PTPRU: variants seen among roughly 807,000 people sequenced by gnomAD.
PTPRU encodes protein tyrosine phosphatase receptor type U, also known as receptor-type tyrosine-protein phosphatase U.
In PTPRU, 69 loss-of-function variants were observed where a neutral mutation model predicts 166.3. The ratio of observed to expected loss-of-function variants is 0.41; its 90% CI spans 0.34 to 0.51. The LOEUF (loss-of-function observed/expected upper bound fraction) is 0.51, where lower values mean the gene tolerates loss of function less well. Among genes scored for constraint, PTPRU ranks in the 20% least tolerant of loss-of-function variants. PTPRU has a pLI of 0.09. For missense variants in PTPRU, 1,657 were observed against 2,013.7 expected (o/e 0.82, Z 3.39); for synonymous variants, 793 against 814.0 (o/e 0.97, Z 0.44).
At chr1:29,261,652 C>T (rs1685071107) in intron 7 of PTPRU, among the ~76,000 whole-genome samples, 1 of 152,172 alleles carries the variant, frequency 6.6e-6, no homozygotes, top group African/African-American at 2.4e-5. Flanking sequence ...CCTGCCTCAG[C>T]CTCCCGAGTA....
chr1:29,251,441 A>C (rs1030898558), intron 1 of PTPRU, among the ~76,000 whole-genome samples: 1 of 152,056 alleles, frequency 6.6e-6, no homozygotes. Context: ...GAAGTGAGAT[A>C]GTCTGGGGGT....
In PTPRU at chr1:29,326,305, G is replaced by A. The variant is rs2151973767; in HGVS notation, c.*644G>A. 1 of 162,666 alleles carries A rather than the reference G, an allele frequency of 6.1e-6. No homozygotes were observed. The highest frequency in any genetic ancestry group is 2.4e-5 in the African/African-American group (1 of 42,004). The allele number at this position is 162,666 out of a possible 1,614,324, so 10.1% of individuals were successfully genotyped here. Reference sequence around the variant, plus strand: ...CTTGCTTCCCTGATATGTGCTCTGAGCTTCCCTGAACCAGGATCTGCCTAT... The same window carrying A: ...CTTGCTTCCCTGATATGTGCTCTGAACTTCCCTGAACCAGGATCTGCCTAT... On this transcript the variant is annotated 3_prime_UTR_variant, in exon 30 of 30. Transcript: ENST00000373779.
chr1:29,273,378 C>T (rs1156521974), intron 7 of PTPRU, among the ~76,000 whole-genome samples: 2 of 152,168 alleles, frequency 1.3e-5, no homozygotes, highest in Non-Finnish European at 2.9e-5. Flanking sequence ...AAGCAATACT[C>T]CTGCTTCAGC....
In PTPRU at chr1:29,283,991, T is replaced by C; in HGVS notation, c.2179+15T>C. Reference sequence around the variant, plus strand: ...TGCCAGGAAAGGTAAGTCCGCTGAGTTCCTGCAGCCTTTCAGCGGCAGGTT... The same window carrying C: ...TGCCAGGAAAGGTAAGTCCGCTGAGCTCCTGCAGCCTTTCAGCGGCAGGTT... On this transcript the variant is annotated intron_variant, in intron 13 of 29. Coordinates refer to ENST00000373779, the MANE Select transcript of PTPRU (RefSeq NM_133178.4). 6.2e-7 allele frequency: 1 copy of C among 1,613,306 alleles called. No homozygotes were observed. Among genetic ancestry groups the C allele is most frequent in the Non-Finnish European group, 8.5e-7 (1 of 1,179,972 alleles).
Position 29,280,172 on chromosome 1 carries a change from C to A in PTPRU, c.1868+31C>A. 1 of 1,568,858 alleles carries A rather than the reference C, an allele frequency of 6.4e-7. No individual in the cohort carries two copies. The highest frequency in any genetic ancestry group is 1.1e-5 in the South Asian group (1 of 89,892). On this transcript the variant is annotated intron_variant, in intron 11 of 29. Transcript: ENST00000373779. The surrounding 1 kb of genome is among the most constrained non-coding windows in gnomAD (Gnocchi z 4.2). ...AAAGCGGGGACGGAGGGGTGGGAGT[C>A]CAGGGCCTTAGGAAAGAGGCCCCTC... is the stretch of plus-strand genomic sequence containing the variant.
In PTPRU at chr1:29,279,014, C is replaced by T; in HGVS notation, c.1456C>T (p.Pro486Ser). 6.3e-7 allele frequency: 1 copy of T among 1,579,238 alleles called. No individual in the cohort carries two copies. The highest frequency in any genetic ancestry group is 8.6e-7 in the Non-Finnish European group (1 of 1,161,758). ...EVTFQTDEDVPSGIAAESLTF... is the reference protein window; with the variant it reads ...EVTFQTDEDVSSGIAAESLTF... Reference sequence around the variant, plus strand: ...CCCCTGCTGCCTTTCCCTTGCAGTGCCCAGTGGGATTGCAGCCGAGTCCCT... The same window carrying T: ...CCCCTGCTGCCTTTCCCTTGCAGTGTCCAGTGGGATTGCAGCCGAGTCCCT... The change falls in exon 9 of 30, where the codon CCC becomes TCC. Residue 486 changes from proline (P) to serine (S), a missense_variant and splice_region_variant. Pro to Ser is a moderately conservative substitution (Grantham distance 74). Transcript: ENST00000373779. The surrounding 1 kb of genome is among the most constrained non-coding windows in gnomAD (Gnocchi z 5.2).
chr1:29,275,782 G>T, intron 8 of PTPRU, 26 bp downstream of exon 8: 1 of 1,607,192 alleles, frequency 6.2e-7, no homozygotes, highest in Non-Finnish European at 8.5e-7. Flanking sequence ...CCAATTCCCG[G>T]GGCCCTGTGT....
At chr1:29,314,694 C>A (rs1687819171) in intron 22 of PTPRU, among the ~76,000 whole-genome samples, 2 of 152,032 alleles carry the variant, frequency 1.3e-5, no homozygotes, top group Non-Finnish European at 2.9e-5. Context: ...TCTTCTGCCT[C>A]AGCCTCCTGA....
At position 29,320,436 on chromosome 1, in the gene PTPRU, C is replaced by T. The variant is rs1427270846; in HGVS notation, c.3688-249C>T. 1 of 391,706 alleles carries T rather than the reference C, an allele frequency of 2.6e-6. No individual in the cohort carries two copies. Among genetic ancestry groups the T allele is most frequent in the African/African-American group, 2.1e-5 (1 of 48,622 alleles). The allele number at this position is 391,706 out of a possible 1,614,324, so 24.3% of individuals were successfully genotyped here. On this transcript the variant is annotated intron_variant, in intron 25 of 29. Transcript: ENST00000373779. This position sits in a 1 kb window ranked among gnomAD's most constrained non-coding sequence, Gnocchi z 5.2. ...CATGCCCAAGCTCCCCTCGCCATAC[C>T]TTTGGAAACTTTTGCTGTTTAGTTC... is the stretch of plus-strand genomic sequence containing the variant.
At chr1:29,300,036 C>T (rs1057037231) in intron 15 of PTPRU, among the ~76,000 whole-genome samples, 2 of 152,142 alleles carry the variant, frequency 1.3e-5, no homozygotes, top group African/African-American at 4.8e-5. Context: ...TGCAGGTGCT[C>T]GCTGTGTGCC....
intron 22 of PTPRU, among the ~76,000 whole-genome samples, chr1:29,314,505 G>A (rs535485573): frequency 1.4e-4 from 22 of 152,254 alleles, no homozygotes; most frequent in Admixed American, 5.2e-4. Flanking sequence ...TGATCTTGAT[G>A]TGCCCCCAGT....
At chr1:29,292,807 A>T (rs1220536616) in intron 15 of PTPRU, among the ~76,000 whole-genome samples, 1 of 145,744 alleles carries the variant, frequency 6.9e-6, no homozygotes, top group Non-Finnish European at 1.5e-5. Context: ...TTCCCTTGAA[A>T]TTGTTGTGTT....
chr1:29,287,658 G>A (rs1283340848), intron 14 of PTPRU, among the ~76,000 whole-genome samples: 1 of 150,402 alleles, frequency 6.6e-6, no homozygotes, highest in Non-Finnish European at 1.5e-5. Flanking sequence ...GCGGTGGCGC[G>A]ATCTCAGCTC....
intron 12 of PTPRU, 142 bp downstream of exon 12, chr1:29,283,091 C>T: frequency 8.2e-7 from 1 of 1,216,494 alleles, no homozygotes; most frequent in East Asian, 2.5e-5. Context: ...CCTCCCATAG[C>T]TCCTCCTCCT....
intron 7 of PTPRU, among the ~76,000 whole-genome samples, chr1:29,273,934 A>T (rs1685686157): frequency 1.3e-5 from 2 of 152,172 alleles, no homozygotes; most frequent in South Asian, 4.1e-4. Flanking sequence ...ACTGTGGGCA[A>T]GTTACTGAAT....
At chr1:29,319,763 G>T (rs1456648596) in intron 25 of PTPRU, among the ~76,000 whole-genome samples, 1 of 152,186 alleles carries the variant, frequency 6.6e-6, no homozygotes, top group Non-Finnish European at 1.5e-5. Context: ...GCCAGACAAA[G>T]ACCAGGGTCA....
At chr1:29,295,861 A>ATT in intron 15 of PTPRU, among the ~76,000 whole-genome samples, 1 of 150,016 alleles carries the variant, frequency 6.7e-6, no homozygotes, top group South Asian at 2.1e-4. Context: ...TAATTTTTGT[A>ATT]TTTTTTTTTA....
rs1048493349 is a variant in PTPRU, at chr1:29,242,016, C to T, written c.73+5299C>T. Among the ~76,000 whole-genome samples the T allele has an allele frequency of 3.4e-5, 5 of 148,098 alleles. No homozygotes were observed. The South Asian group carries it at 8.6e-4, about 26-fold the overall frequency. On this transcript the variant is annotated intron_variant, in intron 1 of 29. Coordinates refer to ENST00000373779, the MANE Select transcript of PTPRU (RefSeq NM_133178.4). Reference sequence around the variant, plus strand: ...AAGCGATTCTCCTGCCTCAGCCTCCCGAATAGCTGGGATTACAGGCACCCG... The same window carrying T: ...AAGCGATTCTCCTGCCTCAGCCTCCTGAATAGCTGGGATTACAGGCACCCG...
chr1:29,265,992 C>T (rs1032221243), intron 7 of PTPRU, among the ~76,000 whole-genome samples: 1 of 149,392 alleles, frequency 6.7e-6, no homozygotes, highest in Non-Finnish European at 1.5e-5. Flanking sequence ...TCCCTGTCTC[C>T]CAAAGATTTT....
Sources: gnomAD v4.1 joint callset for allele counts (sites outside exome capture counted in the v4.1 genomes callset) on GRCh38, gnomAD v4.1.1 for gene constraint, Gnocchi (gnomAD v3.1) non-coding constraint, MANE v1.5 for transcripts, NCBI Gene and HGNC (gene_info 2026-07-23, HGNC 2026-07-21) for gene names.